TBC1D5: variants seen among roughly 807,000 people sequenced by gnomAD.
The protein encoded by TBC1D5 is TBC1 domain family member 5.
Under a neutral mutation model 100.3 loss-of-function variants are expected in TBC1D5, and 75 were observed. The ratio of observed to expected loss-of-function variants is 0.75; its 90% CI spans 0.62 to 0.91. TBC1D5 has a LOEUF of 0.91. TBC1D5 is among the 40% of genes least tolerant of loss of function. The pLI, the probability that TBC1D5 is intolerant of heterozygous loss-of-function variation, is 0.00. For synonymous variants in TBC1D5, 323 were observed against 325.6 expected (o/e 0.99, Z 0.09); for missense variants, 910 against 942.4 (o/e 0.97, Z 0.45).
At chr3:17,682,990 T>G (rs142197319) in intron 1 of TBC1D5, among the ~76,000 whole-genome samples, 1 of 151,578 alleles carries the variant, frequency 6.6e-6, no homozygotes, top group African/African-American at 2.4e-5. Flanking sequence ...CCCTCTGTCT[T>G]AAAGTAGAAA....
intron 1 of TBC1D5, among the ~76,000 whole-genome samples, chr3:17,682,589 T>C (rs1225614819): frequency 1.3e-5 from 2 of 151,266 alleles, no homozygotes; most frequent in Non-Finnish European, 2.9e-5. Flanking sequence ...TACAAGACTA[T>C]TAGAAATTAC....
At chr3:17,729,513 T>C (rs6803312) in intron 1 of TBC1D5, among the ~76,000 whole-genome samples, 86,832 of 151,770 alleles carry the variant, frequency 0.57, 25,635 homozygotes, top group East Asian at 0.99. Context: ...CGAGACCATC[T>C]TGGCTAACAC....
chr3:17,198,150 C>T (rs1369558359), intron 18 of TBC1D5, among the ~76,000 whole-genome samples: 1 of 152,184 alleles, frequency 6.6e-6, no homozygotes, highest in Non-Finnish European at 1.5e-5. Context: ...TTAGTCTAGA[C>T]ATCATGGTAT....
At chr3:17,738,213 C>A (rs2077115634) in intron 1 of TBC1D5, among the ~76,000 whole-genome samples, 1 of 152,180 alleles carries the variant, frequency 6.6e-6, no homozygotes, top group Non-Finnish European at 1.5e-5. Flanking sequence ...CCAAAAAGTA[C>A]AAACTCTGCT....
intron 16 of TBC1D5, among the ~76,000 whole-genome samples, chr3:17,257,527 A>C (rs17043261): frequency 0.012 from 1,883 of 152,324 alleles, 34 homozygotes; most frequent in African/African-American, 0.043. Flanking sequence ...CTGGTCTCAT[A>C]ATTGCATGGT....
intron 3 of TBC1D5, among the ~76,000 whole-genome samples, chr3:17,460,375 G>A (rs1184382822): frequency 6.6e-6 from 1 of 152,146 alleles, no homozygotes; most frequent in Non-Finnish European, 1.5e-5. Flanking sequence ...TGAATGATGA[G>A]AACGTTATGG....
intron 2 of TBC1D5, among the ~76,000 whole-genome samples, chr3:17,593,478 G>A (rs1248902435): frequency 2.0e-5 from 3 of 152,186 alleles, no homozygotes; most frequent in Non-Finnish European, 4.4e-5. Context: ...AGGGTGATCA[G>A]CCAGCTACCT....
chr3:17,517,843 C>T (rs1014335561), intron 2 of TBC1D5, among the ~76,000 whole-genome samples: 4 of 151,964 alleles, frequency 2.6e-5, no homozygotes, highest in Non-Finnish European at 5.9e-5. Context: ...CTTCAGAAGA[C>T]ATTAAATTTT....
At chr3:17,223,990 C>A (rs2074574675) in intron 17 of TBC1D5, among the ~76,000 whole-genome samples, 1 of 152,012 alleles carries the variant, frequency 6.6e-6, no homozygotes, top group African/African-American at 2.4e-5. Flanking sequence ...ATTTCTGAAT[C>A]CTGCAGAATG....
intron 16 of TBC1D5, among the ~76,000 whole-genome samples, chr3:17,248,913 G>A (rs2076966127): frequency 6.6e-6 from 1 of 152,168 alleles, no homozygotes; most frequent in Non-Finnish European, 1.5e-5. Context: ...ACTCGCTGCA[G>A]CTTCTATATC....
intron 2 of TBC1D5, among the ~76,000 whole-genome samples, chr3:17,547,354 T>G (rs566301494): frequency 2.0e-5 from 3 of 152,268 alleles, no homozygotes; most frequent in African/African-American, 7.2e-5. Context: ...TAGCACCCAT[T>G]TAGAAGACAA....
chr3:17,668,332 G>A (rs543471594), intron 1 of TBC1D5, among the ~76,000 whole-genome samples: 10 of 151,788 alleles, frequency 6.6e-5, no homozygotes, highest in South Asian at 2.1e-4. Flanking sequence ...CTTAATACCC[G>A]CTTAGATTTT....
At chr3:17,160,895 G>C (rs1401742441) in exon 22 of TBC1D5, 2 of 1,537,630 alleles carry the variant, frequency 1.3e-6, no homozygotes, top group Non-Finnish European at 1.8e-6. Context: ...CACTGGATGA[G>C]CCTCAGTCTG....
chr3:17,599,650 C>T (rs1377429665), intron 2 of TBC1D5, among the ~76,000 whole-genome samples: 1 of 152,154 alleles, frequency 6.6e-6, no homozygotes, highest in Non-Finnish European at 1.5e-5. Flanking sequence ...CTACGGATGG[C>T]AACTGCAAAG....
chr3:17,199,845 T>C (rs1359283659), intron 18 of TBC1D5, among the ~76,000 whole-genome samples: 1 of 152,222 alleles, frequency 6.6e-6, no homozygotes, highest in African/African-American at 2.4e-5. Context: ...GAATTTGGTT[T>C]ATTTAATGAG....
intron 15 of TBC1D5, among the ~76,000 whole-genome samples, chr3:17,260,226 T>C (rs772100310): frequency 1.2e-4 from 18 of 152,200 alleles, no homozygotes; most frequent in Non-Finnish European, 2.1e-4. Flanking sequence ...TACCTGGAAA[T>C]ACATTTTGTT....
rs551989173 is a variant in TBC1D5, at chr3:17,400,198, G to T, written c.509+2983C>A. Reference sequence around the variant, plus strand: ...GCAAAGGGCAATTATGGAACATAGCGATGCTCCATAAATATACATTTTTTC... The same window carrying T: ...GCAAAGGGCAATTATGGAACATAGCTATGCTCCATAAATATACATTTTTTC... On this transcript the variant is annotated intron_variant, in intron 8 of 21. Coordinates refer to ENST00000253692, the Ensembl canonical transcript of TBC1D5. Among the ~76,000 whole-genome samples, 10 of 152,124 alleles carry T rather than the reference G, an allele frequency of 6.6e-5. No individual in the cohort carries two copies. In the South Asian group the frequency reaches 2.1e-3, roughly 32 times the overall value.
chr3:17,732,582 T>C (rs2076653763), intron 1 of TBC1D5, among the ~76,000 whole-genome samples: 1 of 150,974 alleles, frequency 6.6e-6, no homozygotes, highest in South Asian at 2.1e-4. Flanking sequence ...CTACTAAAAA[T>C]ACAAAAATTT....
At chr3:17,581,305 T>C (rs1382706592) in intron 2 of TBC1D5, among the ~76,000 whole-genome samples, 1 of 152,212 alleles carries the variant, frequency 6.6e-6, no homozygotes, top group Non-Finnish European at 1.5e-5. Flanking sequence ...CATAGCAGTA[T>C]GAAAATGGAC....
Sources: allele counts gnomAD v4.1 joint callset (sites outside exome capture counted in the v4.1 genomes callset), GRCh38; gene constraint gnomAD v4.1.1; transcripts MANE v1.5; gene names NCBI Gene and HGNC (gene_info 2026-07-23, HGNC 2026-07-21).